The following MARCHF1 variants were observed in gnomAD, a reference collection of about 807,000 sequenced individuals.
The protein encoded by MARCHF1 is E3 ubiquitin-protein ligase MARCHF1.
Under a neutral mutation model 54.2 loss-of-function variants are expected in MARCHF1, and 40 were observed. That is an observed-to-expected ratio of 0.74 (90% CI 0.57 to 0.96). MARCHF1 has a LOEUF of 0.96. Ranked by LOEUF, MARCHF1 falls within the 40% of genes least tolerant of loss-of-function variation. The pLI, the probability that MARCHF1 is intolerant of heterozygous loss-of-function variation, is 0.00. For missense variants in MARCHF1, 586 were observed against 656.5 expected, an observed-to-expected ratio of 0.89 and a Z score of 1.17; for synonymous variants, 236 against 236.3, an observed-to-expected ratio of 1.00 and a Z score of 0.01.
chr4:164,267,202 T>A (rs1445684764), intron 1 of MARCHF1, among the ~76,000 whole-genome samples: 1 of 152,196 alleles, frequency 6.6e-6, no homozygotes, highest in Non-Finnish European at 1.5e-5. Context: ...ATATTCTGGA[T>A]AAGATATTGT....
chr4:164,079,439 T>G (rs181392557), intron 2 of MARCHF1, among the ~76,000 whole-genome samples: 1 of 152,196 alleles, frequency 6.6e-6, no homozygotes, highest in African/African-American at 2.4e-5. Flanking sequence ...TTTAAAGAAA[T>G]CCTACTCTTA....
chr4:163,595,016 T>C (rs567424750), intron 7 of MARCHF1, among the ~76,000 whole-genome samples: 15 of 152,112 alleles, frequency 9.9e-5, no homozygotes, highest in Non-Finnish European at 1.8e-4. Flanking sequence ...TGCAGCATTA[T>C]TGACAAGAGT....
chr4:163,571,988 T>C (rs945071846), intron 8 of MARCHF1, among the ~76,000 whole-genome samples: 2 of 152,152 alleles, frequency 1.3e-5, no homozygotes, highest in African/African-American at 4.8e-5. Context: ...TTCAGGATGC[T>C]TCCTAAATGC....
chr4:164,182,040 CTTCTT>C (rs2111016768), intron 1 of MARCHF1, among the ~76,000 whole-genome samples: 1 of 152,144 alleles, frequency 6.6e-6, no homozygotes, highest in African/African-American at 2.4e-5. Flanking sequence ...AATTTTTTCT[CTTCTT>C]TTTCTCTGAA....
At chr4:163,774,400 T>A (rs541267955) in intron 4 of MARCHF1, among the ~76,000 whole-genome samples, 2 of 152,242 alleles carry the variant, frequency 1.3e-5, no homozygotes, top group East Asian at 3.9e-4. Context: ...GTTTCCACGG[T>A]CATTTACATG....
intron 2 of MARCHF1, among the ~76,000 whole-genome samples, chr4:164,033,705 A>C (rs1753931126): frequency 6.6e-6 from 1 of 152,228 alleles, no homozygotes; most frequent in Non-Finnish European, 1.5e-5. Flanking sequence ...GAGAAATGCA[A>C]ATCAAAACCA....
At chr4:163,714,368 T>C (rs1745196569) in intron 4 of MARCHF1, among the ~76,000 whole-genome samples, 1 of 152,238 alleles carries the variant, frequency 6.6e-6, no homozygotes. Context: ...CACTCGAACT[T>C]CTTTTAAATA....
intron 3 of MARCHF1, among the ~76,000 whole-genome samples, chr4:163,870,040 T>G (rs1007421581): frequency 6.6e-6 from 1 of 152,128 alleles, no homozygotes; most frequent in Admixed American, 6.6e-5. Flanking sequence ...ATATTGGTCT[T>G]GTTCTAAAAA....
intron 1 of MARCHF1, among the ~76,000 whole-genome samples, chr4:164,274,405 T>C (rs1175329090): frequency 6.6e-6 from 1 of 152,078 alleles, no homozygotes; most frequent in Non-Finnish European, 1.5e-5. Context: ...TGATAGTCAG[T>C]TCTTCATTGA....
intron 4 of MARCHF1, among the ~76,000 whole-genome samples, chr4:163,782,116 GAA>G (rs11311345): frequency 0.026 from 3,840 of 149,082 alleles, 105 homozygotes; most frequent in African/African-American, 0.079. Context: ...TAACTGCCCA[GAA>G]AAAAAAAAAA....
chr4:164,205,613 G>C (rs62347980), intron 1 of MARCHF1, among the ~76,000 whole-genome samples: 57,798 of 151,976 alleles, frequency 0.38, 12,636 homozygotes, highest in Non-Finnish European at 0.5. Context: ...TATCAATTTA[G>C]TGATAGTATG....
chr4:164,053,791 A>G (rs892844498), intron 2 of MARCHF1, among the ~76,000 whole-genome samples: 20 of 152,230 alleles, frequency 1.3e-4, no homozygotes, highest in African/African-American at 4.6e-4. Context: ...GAAAAAGTGC[A>G]GCAATAAAGA....
intron 1 of MARCHF1, among the ~76,000 whole-genome samples, chr4:164,241,756 G>A (rs938464398): frequency 6.6e-6 from 1 of 152,166 alleles, no homozygotes; most frequent in African/African-American, 2.4e-5. Context: ...GTGGGCACAG[G>A]TCAGTGGGTG....
At chr4:164,300,967 G>A (rs143486129) in intron 1 of MARCHF1, among the ~76,000 whole-genome samples, 1 of 152,222 alleles carries the variant, frequency 6.6e-6, no homozygotes, top group African/African-American at 2.4e-5. Flanking sequence ...AGTAGATGGG[G>A]GAAGAGACGA....
At chr4:163,812,320 TGTATACACATACATGTATACATATACAC>T (rs1402989165) in intron 4 of MARCHF1, among the ~76,000 whole-genome samples, 13 of 151,646 alleles carry the variant, frequency 8.6e-5, no homozygotes, top group African/African-American at 3.1e-4. Context: ...TATATATACA[TGTATACACATACATGTATACATATACAC>T]GTATATATAC....
intron 4 of MARCHF1, among the ~76,000 whole-genome samples, chr4:163,788,588 G>A (rs1168771377): frequency 6.6e-6 from 1 of 151,854 alleles, no homozygotes; most frequent in Non-Finnish European, 1.5e-5. Flanking sequence ...ATCAATTTGA[G>A]TTTGTCTTAT....
chr4:163,617,266 A>G (rs947613451), intron 5 of MARCHF1, among the ~76,000 whole-genome samples: 1 of 152,170 alleles, frequency 6.6e-6, no homozygotes, highest in Non-Finnish European at 1.5e-5. Flanking sequence ...AAGTTAGTTA[A>G]CAGATACAAA....
chr4:164,370,863 T>C lies in MARCHF1; in HGVS notation c.-323+13007A>G, dbSNP rs553523019. Among the ~76,000 whole-genome samples the C allele has an allele frequency of 2.0e-5, 3 of 152,094 alleles. No homozygotes were observed. The South Asian group carries it at 6.2e-4, about 32-fold the overall frequency. Reference sequence around the variant, plus strand: ...GCGGAGGTTGCATTGAGCCGAGATCTTGCCACCACCCTCTAGCCTGGGCAA... The same window carrying C: ...GCGGAGGTTGCATTGAGCCGAGATCCTGCCACCACCCTCTAGCCTGGGCAA... On this transcript the variant is annotated intron_variant, in intron 1 of 9. Coordinates refer to ENST00000514618, the MANE Select transcript of MARCHF1 (RefSeq NM_001394959.1).
chr4:163,845,645 A>G (rs1316251402), intron 4 of MARCHF1, among the ~76,000 whole-genome samples: 1 of 152,158 alleles, frequency 6.6e-6, no homozygotes, highest in East Asian at 1.9e-4. Context: ...TTTCGGAGGA[A>G]CTCACAACTT....
Sources: gnomAD v4.1 joint callset for allele counts (sites outside exome capture counted in the v4.1 genomes callset) on GRCh38, gnomAD v4.1.1 for gene constraint, MANE v1.5 for transcripts, NCBI Gene and HGNC (gene_info 2026-07-23, HGNC 2026-07-21) for gene names.